The following RASAL2 variants were observed in gnomAD, a reference collection of about 807,000 sequenced individuals.
The protein encoded by RASAL2 is ras GTPase-activating protein nGAP.
RASAL2 carries 58 observed loss-of-function variants against 128.9 expected under a neutral mutation model. That is an observed-to-expected ratio of 0.45 (90% CI 0.36 to 0.56). The LOEUF (loss-of-function observed/expected upper bound fraction) is 0.56. Ranked by LOEUF, RASAL2 falls within the 20% of genes least tolerant of loss-of-function variation. The pLI, the probability that RASAL2 is intolerant of heterozygous loss-of-function variation, is 0.00. For missense variants in RASAL2, 1,360 were observed against 1,601.6 expected (o/e 0.85, Z 2.57); for synonymous variants, 561 against 580.8 (o/e 0.97, Z 0.49).
chr1:178,101,936 A>T (rs576871296), intron 1 of RASAL2, among the ~76,000 whole-genome samples: 1 of 152,326 alleles, frequency 6.6e-6, no homozygotes, highest in East Asian at 1.9e-4. Flanking sequence ...GGTAACAGAA[A>T]ACAAAAATGG....
intron 3 of RASAL2, among the ~76,000 whole-genome samples, chr1:178,346,040 C>T (rs1670134042): frequency 6.6e-6 from 1 of 152,122 alleles, no homozygotes; most frequent in African/African-American, 2.4e-5. Flanking sequence ...CAGTATTTGG[C>T]CTGCTTTATT....
intron 1 of RASAL2, among the ~76,000 whole-genome samples, chr1:178,189,818 A>G (rs897894551): frequency 6.6e-6 from 1 of 152,170 alleles, no homozygotes; most frequent in South Asian, 2.1e-4. Flanking sequence ...ATCTTTTGCA[A>G]TGTATATTTA....
chr1:178,220,269 GTCCTAATT>G (rs1663570964), intron 1 of RASAL2, among the ~76,000 whole-genome samples: 1 of 152,086 alleles, frequency 6.6e-6, no homozygotes, highest in East Asian at 1.9e-4. Context: ...ATGACTAATT[GTCCTAATT>G]TCCACATCAT....
rs1658599207 is a variant in RASAL2, at chr1:178,094,569, A to T, written c.77A>T (p.Asp26Val). Residue 26 changes from aspartate (D) to valine (V), a missense_variant, in exon 1 of 18, where the codon GAC becomes GTC. Transcript: ENST00000367649. ...WPEMFPALES[D>V]SPLPPEDLDA... Reference sequence around the variant, plus strand: ...GAGATGTTCCCGGCGCTGGAGTCCGACTCGCCGCTGCCCCCGGAGGACCTG... The same window carrying T: ...GAGATGTTCCCGGCGCTGGAGTCCGTCTCGCCGCTGCCCCCGGAGGACCTG... The T allele has an allele frequency of 6.2e-7, 1 of 1,601,268 alleles. No homozygotes were observed.
chr1:178,148,815 C>T (rs1660815726), intron 1 of RASAL2, among the ~76,000 whole-genome samples: 1 of 152,120 alleles, frequency 6.6e-6, no homozygotes, highest in African/African-American at 2.4e-5. Context: ...TGTTACTGTA[C>T]ACTTATATGA....
rs916261251 is a variant in RASAL2 at position 178,268,196 on chromosome 1, G to A, written c.203-15368G>A. ...ACAAATTAAAAATTAGCAGCTGGGC[G>A]CAATGGCTCCCACCTGTAATCCCAG... On this transcript the variant is annotated intron_variant, in intron 1 of 17. Transcript: ENST00000367649. 3.3e-5 allele frequency among the ~76,000 whole-genome samples: 5 copies of A among 152,110 alleles called. No individual in the cohort carries two copies. In the South Asian group the frequency reaches 6.2e-4, roughly 19 times the overall value.
chr1:178,441,705 G>A, intron 7 of RASAL2, 58 bp downstream of exon 7: 2 of 1,350,918 alleles, frequency 1.5e-6, no homozygotes, highest in Non-Finnish European at 2.1e-6. Flanking sequence ...TTAATTGATA[G>A]AAGGTAAGTG....
rs551102765 is a variant in RASAL2 at position 178,204,985 on chromosome 1, C to G, written c.203-78579C>G. Among the ~76,000 whole-genome samples, 42 of 152,254 alleles carry G rather than the reference C, an allele frequency of 2.8e-4. 1 individual carries two copies. The highest frequency in any genetic ancestry group is 1.0e-3 in the African/African-American group (42 of 41,562). On this transcript the variant is annotated intron_variant, in intron 1 of 17. Coordinates refer to ENST00000367649, the MANE Select transcript of RASAL2 (RefSeq NM_170692.4). ...TAGAATTACTAGCTGAAAATATCAT[C>G]TGGTGTCAAAGCATCTTTGCTGTCA...
At chr1:178,275,126 C>G (rs374406970) in intron 1 of RASAL2, among the ~76,000 whole-genome samples, 10 of 152,170 alleles carry the variant, frequency 6.6e-5, no homozygotes, top group Admixed American at 2.0e-4. Context: ...AGACTCCATT[C>G]AGTTAACTAG....
chr1:178,354,792 T>G (rs1010161215), intron 3 of RASAL2, among the ~76,000 whole-genome samples: 1 of 152,210 alleles, frequency 6.6e-6, no homozygotes, highest in Non-Finnish European at 1.5e-5. Context: ...TAAAGCTTTA[T>G]TAGGAGAAAT....
chr1:178,446,976 A>G (rs1395040209), intron 9 of RASAL2, among the ~76,000 whole-genome samples: 1 of 152,218 alleles, frequency 6.6e-6, no homozygotes, highest in African/African-American at 2.4e-5. Flanking sequence ...GAATAAAACT[A>G]TTTAGCTGGA....
chr1:178,363,185 T>C (rs910254975), intron 3 of RASAL2, among the ~76,000 whole-genome samples: 1 of 152,224 alleles, frequency 6.6e-6, no homozygotes, highest in Non-Finnish European at 1.5e-5. Flanking sequence ...TATCTCTTGT[T>C]TTTTTGATAA....
chr1:178,107,080 T>G (rs958917726), intron 1 of RASAL2, among the ~76,000 whole-genome samples: 4 of 151,796 alleles, frequency 2.6e-5, no homozygotes, highest in Non-Finnish European at 5.9e-5. Context: ...CATTTTTTTC[T>G]GTCAACAAAC....
intron 3 of RASAL2, among the ~76,000 whole-genome samples, chr1:178,300,959 T>C (rs1326002062): frequency 6.6e-6 from 1 of 152,222 alleles, no homozygotes; most frequent in Non-Finnish European, 1.5e-5. Context: ...TCATTTATTG[T>C]CTCTATGGTG....
intron 1 of RASAL2, among the ~76,000 whole-genome samples, chr1:178,173,535 T>C (rs1302068417): frequency 6.6e-6 from 1 of 152,082 alleles, no homozygotes; most frequent in Non-Finnish European, 1.5e-5. Flanking sequence ...GTATGTATGT[T>C]CTTGGGTACA....
intron 17 of RASAL2, among the ~76,000 whole-genome samples, chr1:178,471,468 T>A (rs981077631): frequency 6.6e-6 from 1 of 152,188 alleles, no homozygotes; most frequent in Non-Finnish European, 1.5e-5. Context: ...TAAAATGAAT[T>A]ACTTTCCTAA....
At chr1:178,399,645 A>T (rs1253539429) in intron 4 of RASAL2, among the ~76,000 whole-genome samples, 1 of 152,204 alleles carries the variant, frequency 6.6e-6, no homozygotes, top group Non-Finnish European at 1.5e-5. Context: ...AATAGTAAAT[A>T]AAAGGCAGCA....
intron 3 of RASAL2, among the ~76,000 whole-genome samples, chr1:178,370,201 C>T (rs181434395): frequency 3.7e-4 from 56 of 152,234 alleles, no homozygotes; most frequent in African/African-American, 1.2e-3. Flanking sequence ...TTCAGTGGAA[C>T]ATGTAAAGGC....
In RASAL2 at chr1:178,248,566, A is replaced by G. The variant is rs76697163; in HGVS notation, c.203-34998A>G. ...TACATTTAAGGTTAATATCGTTAGT[A>G]TGTGAATTTGATCCTGTCATCATGA... On this transcript the variant is annotated intron_variant, in intron 1 of 17. Coordinates refer to ENST00000367649, the MANE Select transcript of RASAL2 (RefSeq NM_170692.4). Among the ~76,000 whole-genome samples, 1,434 of 152,224 alleles carry G rather than the reference A, an allele frequency of 9.4e-3. 13 individuals carry two copies. The highest frequency in any genetic ancestry group is 0.012 in the Non-Finnish European group (790 of 68,014).
Sources: gnomAD v4.1 joint callset for allele counts (sites outside exome capture counted in the v4.1 genomes callset) on GRCh38, gnomAD v4.1.1 for gene constraint, MANE v1.5 for transcripts, NCBI Gene and HGNC (gene_info 2026-07-23, HGNC 2026-07-21) for gene names.